RPS26: variants seen among roughly 807,000 people sequenced by gnomAD.
The protein encoded by RPS26 is ribosomal protein S26.
RPS26 carries 1 observed loss-of-function variant against 14.7 expected under a neutral mutation model. The observed-to-expected ratio is 0.07, with a 90% CI of 0.02 to 0.32. RPS26 has a LOEUF of 0.32. Among genes scored for constraint, RPS26 ranks in the 10% least tolerant of loss-of-function variants. The pLI, the probability that RPS26 is intolerant of heterozygous loss-of-function variation, is 1.00. For missense variants in RPS26, 63 were observed against 157.7 expected (o/e 0.40, Z 3.22); for synonymous variants, 59 against 53.1 (o/e 1.11, Z -0.48).
chr12:56,042,010 G>A lies in RPS26; in HGVS notation c.-157G>A. On this transcript the variant is annotated 5_prime_UTR_variant, in exon 1 of 4. Transcript: ENST00000646449. ...GAACGCATTTCCACCCTAGATTTCA[G>A]CAGAAATGCTGAATGTAAAGGAATA... The A allele has an allele frequency of 1.3e-6, 1 of 786,392 alleles. No homozygotes were observed. The highest frequency in any genetic ancestry group is 2.2e-6 in the Non-Finnish European group (1 of 450,730). The allele number at this position is 786,392 out of a possible 1,614,324, so 48.7% of individuals were successfully genotyped here.
Position 56,041,952 on chromosome 12 carries a change from G to A in RPS26, c.-215G>A, listed in dbSNP as rs1895888489. On this transcript the variant is annotated 5_prime_UTR_variant, in exon 1 of 4. The change creates a new upstream start codon in the 5' untranslated region. Transcript: ENST00000646449. ...CCGCCATCCGGCTAAATAGTCCCATGTGCACTTTGTTCCATGGATAAATAA... is the reference window on the plus strand; with the variant it reads ...CCGCCATCCGGCTAAATAGTCCCATATGCACTTTGTTCCATGGATAAATAA... 2 of 651,964 alleles carry A rather than the reference G, an allele frequency of 3.1e-6. No individual in the cohort carries two copies. Among genetic ancestry groups the A allele is most frequent in the South Asian group, 1.7e-5 (1 of 58,312 alleles). 40.4% of individuals were successfully genotyped at this position (651,964 alleles called of 1,614,324 possible). A position where few individuals can be genotyped will look rare whatever the true frequency, so the allele number is the denominator to read the frequency against.
chr12:56,042,350 C>T (rs1451255275), intron 1 of RPS26, 75 bp from the exon 2 acceptor site: 50 of 1,554,580 alleles, frequency 3.2e-5, no homozygotes, highest in Non-Finnish European at 4.3e-5. Context: ...GCTGCCGGTG[C>T]GGCTTGTGGC....
In RPS26 at chr12:56,042,050, G is replaced by C; in HGVS notation, c.-117G>C. The C allele has an allele frequency of 9.7e-7, 1 of 1,029,156 alleles. No individual in the cohort carries two copies. Among genetic ancestry groups the C allele is most frequent in the Non-Finnish European group, 1.5e-6 (1 of 651,136 alleles). 63.8% of individuals were successfully genotyped at this position (1,029,156 alleles called of 1,614,324 possible). A position where few individuals can be genotyped will look rare whatever the true frequency, so the allele number is the denominator to read the frequency against. ...GTAAAGGAATATTTGAGTAAAGTGA[G>C]TTGCCGTTCTTGAAGCCCGTCTCCT... On this transcript the variant is annotated 5_prime_UTR_variant, in exon 1 of 4. Coordinates refer to ENST00000646449, the MANE Select transcript of RPS26 (RefSeq NM_001029.5).
At position 56,042,503 on chromosome 12, in the gene RPS26, C is replaced by G. The variant is rs142032466; in HGVS notation, c.82C>G (p.Arg28Gly). 3.5e-5 allele frequency: 56 copies of G among 1,602,730 alleles called. No individual in the cohort carries two copies. Among genetic ancestry groups the G allele is most frequent in the Non-Finnish European group, 4.8e-5 (56 of 1,173,712 alleles). ...GCCTATTCGCTGCACTAACTGTGCC[C>G]GATGCGTGCCCAAGGACAAGGCCAT... ...VQPIRCTNCA[R>G]CVPKDKAIKK... is the part of the protein sequence containing the mutation. Residue 28 changes from arginine (R) to glycine (G), a missense_variant, in exon 2 of 4, where the codon CGA (arginine) becomes GGA (glycine). Coordinates refer to ENST00000646449, the MANE Select transcript of RPS26 (RefSeq NM_001029.5).
In RPS26 at chr12:56,042,561, C is replaced by T; in HGVS notation, c.140C>T (p.Ala47Val). Reference protein sequence around the residue: ...KKFVIRNIVEAAAVRDISEAS... With the variant: ...KKFVIRNIVEVAAVRDISEAS... ...TTCGTCATTCGAAACATAGTGGAGGCCGCAGCAGTCAGGGACATTTCTGAA... is the reference window on the plus strand; with the variant it reads ...TTCGTCATTCGAAACATAGTGGAGGTCGCAGCAGTCAGGGACATTTCTGAA... The change falls in exon 2 of 4, where the codon GCC becomes GTC. Residue 47 changes from alanine to valine, a missense_variant. Physicochemically the swap from Ala to Val is moderately conservative, Grantham distance 64. Coordinates refer to ENST00000646449, the MANE Select transcript of RPS26 (RefSeq NM_001029.5). The T allele has an allele frequency of 1.3e-6, 2 of 1,599,458 alleles. No homozygotes were observed. The highest frequency in any genetic ancestry group is 2.2e-5 in the South Asian group (2 of 91,078).
chr12:56,042,950 C>G (rs1240036455), intron 2 of RPS26: 1 of 418,118 alleles, frequency 2.4e-6, no homozygotes, highest in Non-Finnish European at 4.4e-6. Flanking sequence ...TTCAACGTTT[C>G]GAGAATGGAG....
chr12:56,042,125 C>CA lies in RPS26; in HGVS notation c.-42_-41insA. 8.7e-6 allele frequency: 14 copies of CA among 1,612,162 alleles called. No homozygotes were observed. The highest frequency in any genetic ancestry group is 1.1e-5 in the Non-Finnish European group (13 of 1,178,282). Reference sequence around the variant, plus strand: ...GGGATCTCATGCTATATAGGAGGGCCCTGCCAGGCACCGTCTCCTCTCTCC... The same window carrying CA: ...GGGATCTCATGCTATATAGGAGGGCCACTGCCAGGCACCGTCTCCTCTCTCC... On this transcript the variant is annotated 5_prime_UTR_variant, in exon 1 of 4. Coordinates refer to ENST00000646449, the MANE Select transcript of RPS26 (RefSeq NM_001029.5).
In RPS26 at chr12:56,043,466, A is replaced by T; in HGVS notation, c.285A>T (p.Arg95=). The T allele has an allele frequency of 1.2e-6, 2 of 1,613,758 alleles. No homozygotes were observed. The highest frequency in any genetic ancestry group is 1.1e-5 in the South Asian group (1 of 91,068). ...RNRSREARKD[R]TPPPRFRPAG... is the part of the protein sequence containing the mutation. ...GATCTCGTGAAGCCCGCAAGGACCG[A>T]ACACCCCCACCCCGATTTAGACCTG... The change falls in exon 3 of 4, where the codon CGA becomes CGT. Residue 95 remains arginine (R), a synonymous_variant. Coordinates refer to ENST00000646449, the MANE Select transcript of RPS26 (RefSeq NM_001029.5).
intron 1 of RPS26, 22 bp downstream of exon 1, chr12:56,042,191 G>A (rs1895895508): frequency 2.5e-6 from 4 of 1,614,074 alleles, no homozygotes; most frequent in Non-Finnish European, 3.4e-6. Context: ...TGCGTGGTGA[G>A]GGTGGGGGTT....
chr12:56,044,080 A>G, intron 3 of RPS26, 39 bp from the exon 4 acceptor site: 1 of 1,595,052 alleles, frequency 6.3e-7, no homozygotes, highest in South Asian at 1.1e-5. Flanking sequence ...TCTTGGATCC[A>G]TGGGTTTTAA....
At chr12:56,043,937 T>G (rs1895928742) in intron 3 of RPS26, among the ~76,000 whole-genome samples, 182 bp from the exon 4 acceptor site, 1 of 151,926 alleles carries the variant, frequency 6.6e-6, no homozygotes, top group South Asian at 2.1e-4. Context: ...TGCAAAGCAG[T>G]GTTAGAATCA....
In RPS26 at chr12:56,044,246, T is replaced by G; in HGVS notation, c.*92T>G. ...TAATATTGCATGTTAAGTGTATCTG[T>G]GCCAGATAAGGTGGGGATTTTGTGT... On this transcript the variant is annotated 3_prime_UTR_variant, in exon 4 of 4. Coordinates refer to ENST00000646449, the MANE Select transcript of RPS26 (RefSeq NM_001029.5). The G allele has an allele frequency of 7.9e-6, 8 of 1,008,886 alleles. No homozygotes were observed. The highest frequency in any genetic ancestry group is 1.8e-5 in the Admixed American group (1 of 55,990). 62.5% of individuals were successfully genotyped at this position (1,008,886 alleles called of 1,614,324 possible). A position where few individuals can be genotyped will look rare whatever the true frequency, so the allele number is the denominator to read the frequency against.
chr12:56,043,268 T>C, intron 2 of RPS26, 95 bp from the exon 3 acceptor site: 1 of 1,246,170 alleles, frequency 8.0e-7, no homozygotes, highest in African/African-American at 1.5e-5. Context: ...GGTTTAGTTT[T>C]AATTGACGTA....
At chr12:56,043,926 C>G (rs1565846028) in intron 3 of RPS26, among the ~76,000 whole-genome samples, 193 bp from the exon 4 acceptor site, 1 of 152,078 alleles carries the variant, frequency 6.6e-6, no homozygotes, top group Non-Finnish European at 1.5e-5. Context: ...CTTAGAGACA[C>G]TGCAAAGCAG....
chr12:56,043,187 A>C, intron 2 of RPS26, 176 bp from the exon 3 acceptor site: 1 of 619,144 alleles, frequency 1.6e-6, no homozygotes, highest in African/African-American at 1.8e-5. Context: ...AGGGTTATAC[A>C]TATGTGCTCA....
chr12:56,042,909 TTG>T (rs1442557570), intron 2 of RPS26: 17 of 480,816 alleles, frequency 3.5e-5, no homozygotes, highest in African/African-American at 3.3e-4. Context: ...ATTTGAATAT[TTG>T]TGAAAATATA....
At chr12:56,042,269 A>C (rs2136753616) in intron 1 of RPS26, 100 bp downstream of exon 1, 1 of 1,546,876 alleles carries the variant, frequency 6.5e-7, no homozygotes, top group South Asian at 1.1e-5. Flanking sequence ...GACCGAGTGT[A>C]CATTTCATTT....
rs749861594 is a variant in RPS26 at position 56,042,505 on chromosome 12, A to C, written c.84A>C (p.Arg28=). Residue 28 remains arginine (R), a synonymous_variant, in exon 2 of 4, where the codon CGA becomes CGC. Transcript: ENST00000646449. ...VQPIRCTNCA[R]CVPKDKAIKK... ...CTATTCGCTGCACTAACTGTGCCCG[A>C]TGCGTGCCCAAGGACAAGGCCATTA... 6.2e-7 allele frequency: 1 copy of C among 1,603,354 alleles called. No individual in the cohort carries two copies. Among genetic ancestry groups the C allele is most frequent in the Admixed American group, 1.7e-5 (1 of 60,012 alleles).
In RPS26 at chr12:56,044,228, G is replaced by A; in HGVS notation, c.*74G>A. The A allele has an allele frequency of 8.7e-7, 1 of 1,153,772 alleles. No individual in the cohort carries two copies. Among genetic ancestry groups the A allele is most frequent in the South Asian group, 1.2e-5 (1 of 81,440 alleles). The allele number at this position is 1,153,772 out of a possible 1,614,324, so 71.5% of individuals were successfully genotyped here. A position where few individuals can be genotyped will look rare whatever the true frequency, so the allele number is the denominator to read the frequency against. On this transcript the variant is annotated 3_prime_UTR_variant, in exon 4 of 4. Transcript: ENST00000646449. ...TAAAATGGAAATTGTACTTAATATT[G>A]CATGTTAAGTGTATCTGTGCCAGAT...
Sources: gnomAD v4.1 joint callset for allele counts (sites outside exome capture counted in the v4.1 genomes callset) on GRCh38, gnomAD v4.1.1 for gene constraint, MANE v1.5 for transcripts, NCBI Gene and HGNC (gene_info 2026-07-23, HGNC 2026-07-21) for gene names.